The following ZNF207 variants were observed in gnomAD, a reference collection of about 807,000 sequenced individuals.
ZNF207 encodes the protein zinc finger protein 207.
ZNF207 carries 24 observed loss-of-function variants against 60.2 expected under a neutral mutation model. That is an observed-to-expected ratio of 0.40 (90% CI 0.29 to 0.56). The LOEUF (loss-of-function observed/expected upper bound fraction) is 0.56, where lower values mean the gene tolerates loss of function less well. Among genes scored for constraint, ZNF207 ranks in the 20% least tolerant of loss-of-function variants. The probability of loss-of-function intolerance (pLI) is 0.49; values close to 1 mark genes in which losing one functional copy is unlikely to be tolerated. For missense variants in ZNF207, 452 were observed against 636.6 expected (o/e 0.71, Z 3.12); for synonymous variants, 236 against 194.7 (o/e 1.21, Z -1.77).
rs1905771394 is a variant in ZNF207, at chr17:32,378,736, C to CTA, written c.*8977_*8978insTA. On this transcript the variant is annotated 3_prime_UTR_variant, in exon 12 of 12. Coordinates refer to ENST00000394670, the MANE Select transcript of ZNF207 (RefSeq NM_001098507.2). ...CTACCCGAGTTCATTGTTGTTTGAA[C>CTA]CATCCTCTAAAGATTTCCTTTAACC... 3.3e-5 allele frequency: 5 copies of CTA among 151,850 alleles called. No homozygotes were observed. In the South Asian group the frequency reaches 1.0e-3, roughly 31 times the overall value. The allele number at this position is 151,850 out of a possible 1,614,324, so 9.4% of individuals were successfully genotyped here. A position where few individuals can be genotyped will look rare whatever the true frequency, so the allele number is the denominator to read the frequency against.
chr17:32,357,352 T>A (rs1262526987), intron 2 of ZNF207, among the ~76,000 whole-genome samples: 52 of 45,338 alleles, frequency 1.1e-3, no homozygotes, highest in South Asian at 0.011. Context: ...ATTATTATTA[T>A]TTTTTTTTTT....
rs1056440681 is a variant in ZNF207, at chr17:32,377,794, A to C, written c.*8035A>C. The C allele has an allele frequency of 1.3e-5, 2 of 152,314 alleles. No individual in the cohort carries two copies. Among genetic ancestry groups the C allele is most frequent in the Admixed American group, 6.6e-5 (1 of 15,262 alleles). 9.4% of individuals were successfully genotyped at this position (152,314 alleles called of 1,614,324 possible). ...GGTAACTTCTGTTTAAAAAAAAAAA[A>C]AACTAGGGAAAAGTTTTAAATGTAT... is the stretch of plus-strand genomic sequence containing the variant. On this transcript the variant is annotated 3_prime_UTR_variant, in exon 12 of 12. Transcript: ENST00000394670.
At position 32,371,253 on chromosome 17, in the gene ZNF207, G is replaced by C. The variant is rs908015524; in HGVS notation, c.*1494G>C. ...TAAAGTTAAGACTTCTAAGAAAATGGTAACATTTCTTTATAACTTTCCTGT... is the reference window on the plus strand; with the variant it reads ...TAAAGTTAAGACTTCTAAGAAAATGCTAACATTTCTTTATAACTTTCCTGT... On this transcript the variant is annotated 3_prime_UTR_variant, in exon 12 of 12. Transcript: ENST00000394670. The C allele has an allele frequency of 6.6e-6, 1 of 152,108 alleles. No individual in the cohort carries two copies. Among genetic ancestry groups the C allele is most frequent in the South Asian group, 2.1e-4 (1 of 4,834 alleles). The allele number at this position is 152,108 out of a possible 1,614,324, so 9.4% of individuals were successfully genotyped here.
chr17:32,374,843 A>G lies in ZNF207; in HGVS notation c.*5084A>G, dbSNP rs1330714843. 1 of 152,194 alleles carries G rather than the reference A, an allele frequency of 6.6e-6. No individual in the cohort carries two copies. The highest frequency in any genetic ancestry group is 1.5e-5 in the Non-Finnish European group (1 of 68,022). The allele number at this position is 152,194 out of a possible 1,614,324, so 9.4% of individuals were successfully genotyped here. A position where few individuals can be genotyped will look rare whatever the true frequency, so the allele number is the denominator to read the frequency against. ...CTATGGTTTTGGAGTGATTATTTTGAGGTTCATTTTCAGCCTCACTGAACA... is the reference window on the plus strand; with the variant it reads ...CTATGGTTTTGGAGTGATTATTTTGGGGTTCATTTTCAGCCTCACTGAACA... On this transcript the variant is annotated 3_prime_UTR_variant, in exon 12 of 12. Coordinates refer to ENST00000394670, the MANE Select transcript of ZNF207 (RefSeq NM_001098507.2).
chr17:32,360,595 CAG>C lies in ZNF207; in HGVS notation c.308-1_308del, dbSNP rs1904818249. ...TATGGAAATAATTTTTTTTTTTTAA[CAG>C]AAAGTCAAAAAAAGAAGCAACAAGA... On this transcript the variant is annotated splice_acceptor_variant, in intron 3 of 11. Coordinates refer to ENST00000394670, the MANE Select transcript of ZNF207 (RefSeq NM_001098507.2). LOFTEE classifies it high-confidence loss of function. 3.2e-6 allele frequency: 5 copies of C among 1,568,602 alleles called. No individual in the cohort carries two copies. Among genetic ancestry groups the C allele is most frequent in the Non-Finnish European group, 3.4e-6 (4 of 1,164,012 alleles).
chr17:32,354,653 T>C (rs1006238156), intron 2 of ZNF207, among the ~76,000 whole-genome samples: 14 of 151,376 alleles, frequency 9.2e-5, no homozygotes, highest in African/African-American at 3.4e-4. Context: ...GTCTCTTTCG[T>C]CCAGGCTGGA....
Position 32,360,920 on chromosome 17 carries a change from T to C in ZNF207, c.504T>C (p.Pro168=). ...TACCTCCATTAATGCCAGGTGTTCC[T>C]CCTCTGATGCCAGGAATGCCACCAG... The part of the protein sequence containing the change: ...PGIPPLMPGV[P]PLMPGMPPVM... Residue 168 remains proline, a synonymous_variant, in exon 5 of 12, where the codon CCT becomes CCC. Coordinates refer to ENST00000394670, the MANE Select transcript of ZNF207 (RefSeq NM_001098507.2). The C allele has an allele frequency of 6.2e-7, 1 of 1,614,010 alleles. No individual in the cohort carries two copies. Among genetic ancestry groups the C allele is most frequent in the Non-Finnish European group, 8.5e-7 (1 of 1,180,024 alleles).
intron 2 of ZNF207, among the ~76,000 whole-genome samples, chr17:32,353,220 TAATA>T (rs966852424): frequency 2.6e-5 from 4 of 152,162 alleles, no homozygotes; most frequent in African/African-American, 4.8e-5. Flanking sequence ...AAAGTTCTTT[TAATA>T]AATAGCGAGA....
intron 9 of ZNF207, 23 bp from the exon 10 acceptor site, chr17:32,367,749 T>A: frequency 1.2e-6 from 2 of 1,609,164 alleles, no homozygotes; most frequent in Non-Finnish European, 1.7e-6. Context: ...GAAGTTTCGT[T>A]GATGAAGTAT....
Position 32,360,523 on chromosome 17 carries a change from A to G in ZNF207, c.308-75A>G, listed in dbSNP as rs897385840. 18 of 1,380,194 alleles carry G rather than the reference A, an allele frequency of 1.3e-5. No homozygotes were observed. In the African/African-American group the frequency reaches 1.3e-4, roughly 10 times the overall value. 85.5% of individuals were successfully genotyped at this position (1,380,194 alleles called of 1,614,324 possible). ...ATGAAGTAATTTTACCCATATATGT[A>G]TTTTTAAATATTGAATGTTGTAAAT... On this transcript the variant is annotated intron_variant, in intron 3 of 11. Transcript: ENST00000394670.
intron 9 of ZNF207, among the ~76,000 whole-genome samples, chr17:32,367,367 T>C (rs1301899350): frequency 6.8e-6 from 1 of 147,978 alleles, no homozygotes; most frequent in Non-Finnish European, 1.5e-5. Context: ...TTTAAACTCA[T>C]ATTCTGTAGT....
In ZNF207 at chr17:32,381,605, G is replaced by A. The variant is rs1358480343; in HGVS notation, c.*11846G>A. 1 of 152,218 alleles carries A rather than the reference G, an allele frequency of 6.6e-6. No individual in the cohort carries two copies. The highest frequency in any genetic ancestry group is 1.5e-5 in the Non-Finnish European group (1 of 68,038). 9.4% of individuals were successfully genotyped at this position (152,218 alleles called of 1,614,324 possible). On this transcript the variant is annotated 3_prime_UTR_variant, in exon 12 of 12. Transcript: ENST00000394670. ...TCCTTAACATGTAGCCATGTAATTAGAACTCACAAGGGGCATTGAAATGTT... is the reference window on the plus strand; with the variant it reads ...TCCTTAACATGTAGCCATGTAATTAAAACTCACAAGGGGCATTGAAATGTT...
Position 32,358,629 on chromosome 17 carries a change from C to G in ZNF207, c.295C>G (p.Gln99Glu). 6.7e-7 allele frequency: 1 copy of G among 1,500,674 alleles called. No individual in the cohort carries two copies. The highest frequency in any genetic ancestry group is 8.8e-7 in the Non-Finnish European group (1 of 1,134,540). 93.0% of individuals were successfully genotyped at this position (1,500,674 alleles called of 1,614,324 possible). ...GGATGAAAGACGACGACTTCTTGAACAGAAAACACAAGGTAAATATTGGGA... is the reference window on the plus strand; with the variant it reads ...GGATGAAAGACGACGACTTCTTGAAGAGAAAACACAAGGTAAATATTGGGA... ...DMDERRRLLE[Q>E]KTQESQKKKQ... The change falls in exon 3 of 12, where the codon CAG becomes GAG. Residue 99 changes from glutamine to glutamate, a missense_variant. Gln to Glu is a conservative substitution (Grantham distance 29, BLOSUM62 2). Transcript: ENST00000394670.
chr17:32,355,459 T>G (rs1249671562), intron 2 of ZNF207, among the ~76,000 whole-genome samples: 1 of 152,276 alleles, frequency 6.6e-6, no homozygotes, highest in South Asian at 2.1e-4. Context: ...AGAATGAGAA[T>G]AAGGGAGTCC....
intron 3 of ZNF207, among the ~76,000 whole-genome samples, chr17:32,360,185 CCA>C (rs1491558350): frequency 6.0e-4 from 65 of 109,240 alleles, no homozygotes; most frequent in African/African-American, 2.1e-3. Flanking sequence ...TACCCCCCCC[CCA>C]AAAAAAAAAA....
Position 32,366,753 on chromosome 17 carries a change from C to T in ZNF207, c.917C>T (p.Ala306Val). ...TCTAAAGCTCTGTTTCCTAGCACAG[C>T]ACAAGTACGCAGGAAGTTGCAGTTT... ...ASSKALFPSTAQAQAAVQGPV... is the reference protein window; with the variant it reads ...ASSKALFPSTVQAQAAVQGPV... The change falls in exon 9 of 12, where the codon GCA (alanine) becomes GTA (valine). Residue 306 changes from alanine (A) to valine (V), a missense_variant. Ala to Val is a moderately conservative substitution (Grantham distance 64). Coordinates refer to ENST00000394670, the MANE Select transcript of ZNF207 (RefSeq NM_001098507.2). The T allele has an allele frequency of 6.2e-7, 1 of 1,602,436 alleles. No homozygotes were observed. The highest frequency in any genetic ancestry group is 8.5e-7 in the Non-Finnish European group (1 of 1,175,476).
chr17:32,360,178 C>CT (rs1447751387), intron 3 of ZNF207, among the ~76,000 whole-genome samples: 13 of 100,090 alleles, frequency 1.3e-4, no homozygotes, highest in Non-Finnish European at 2.2e-4. Flanking sequence ...TCACCTTTAC[C>CT]CCCCCCCCAA....
Position 32,369,444 on chromosome 17 carries a change from GCCA to G in ZNF207, c.1317_1319del (p.Pro440del). ...AGCAACAAGGAATGAGACCCCCAAT[GCCA>G]CCTCATGGTATTCCTCTTTTTATGT... On this transcript the variant is annotated inframe_deletion, in exon 11 of 12. Coordinates refer to ENST00000394670, the MANE Select transcript of ZNF207 (RefSeq NM_001098507.2). 1 of 1,614,118 alleles carries G rather than the reference GCCA, an allele frequency of 6.2e-7. No individual in the cohort carries two copies. Among genetic ancestry groups the G allele is most frequent in the Non-Finnish European group, 8.5e-7 (1 of 1,179,998 alleles).
At chr17:32,356,782 CA>C (rs575449691) in intron 2 of ZNF207, among the ~76,000 whole-genome samples, 158 of 152,236 alleles carry the variant, frequency 1.0e-3, no homozygotes, top group African/African-American at 3.3e-3. Context: ...AGGGATATTA[CA>C]TTATTGGCAA....
Sources: allele counts gnomAD v4.1 joint callset (sites outside exome capture counted in the v4.1 genomes callset), GRCh38; gene constraint gnomAD v4.1.1; transcripts MANE v1.5; gene names NCBI Gene and HGNC (gene_info 2026-07-23, HGNC 2026-07-21).